Variants in PDCD1LG2 observed in about 807,000 individuals in gnomAD.
The protein encoded by PDCD1LG2 is programmed cell death 1 ligand 2.
Under a neutral mutation model 28.2 loss-of-function variants are expected in PDCD1LG2, and 32 were observed. That is an observed-to-expected ratio of 1.13 (90% CI 0.86 to 1.52). The LOEUF is 1.52. PDCD1LG2 is among the 40% of genes most tolerant of loss of function. The probability of loss-of-function intolerance (pLI) is 0.00; values close to 1 mark genes in which losing one functional copy is unlikely to be tolerated. For synonymous variants in PDCD1LG2, 116 were observed against 120.2 expected (o/e 0.97, Z 0.23); for missense variants, 385 against 323.8 (o/e 1.19, Z -1.45).
Position 5,514,092 on chromosome 9 carries a change from C to A in PDCD1LG2, c.-15+3289C>A, listed in dbSNP as rs930018471. On this transcript the variant is annotated intron_variant, in intron 1 of 6. Coordinates refer to ENST00000397747, the MANE Select transcript of PDCD1LG2 (RefSeq NM_025239.4). The stretch of plus-strand genomic sequence containing the variant: ...ATTTAACAAAGAATGAAGTATTTTA[C>A]AAACATGATCCTTTAGGCTGGTTAT... 5.3e-5 allele frequency among the ~76,000 whole-genome samples: 8 copies of A among 152,166 alleles called. No homozygotes were observed. The East Asian group carries it at 1.5e-3, about 29-fold the overall frequency.
intron 2 of PDCD1LG2, among the ~76,000 whole-genome samples, chr9:5,529,176 G>C (rs1167953837): frequency 3.3e-5 from 5 of 152,140 alleles, no homozygotes; most frequent in Non-Finnish European, 5.9e-5. Flanking sequence ...ATTTATCAAT[G>C]TTTTCTTTTA....
intron 6 of PDCD1LG2, among the ~76,000 whole-genome samples, chr9:5,566,868 C>G (rs538053764): frequency 6.6e-6 from 1 of 152,228 alleles, no homozygotes; most frequent in Admixed American, 6.5e-5. Flanking sequence ...ACTTATGTAT[C>G]ATTCATGTCC....
At chr9:5,520,645 T>C (rs558291806) in intron 1 of PDCD1LG2, among the ~76,000 whole-genome samples, 9 of 152,302 alleles carry the variant, frequency 5.9e-5, no homozygotes, top group Non-Finnish European at 1.2e-4. Context: ...AGTAGATAAA[T>C]TGGATTTTTT....
chr9:5,511,490 G>A (rs1437346621), intron 1 of PDCD1LG2, among the ~76,000 whole-genome samples: 2 of 152,226 alleles, frequency 1.3e-5, no homozygotes, highest in Non-Finnish European at 2.9e-5. Context: ...GAGGTGGAGA[G>A]GCTAAGCCTG....
At chr9:5,536,628 T>C (rs922890717) in intron 3 of PDCD1LG2, among the ~76,000 whole-genome samples, 1 of 152,252 alleles carries the variant, frequency 6.6e-6, no homozygotes, top group African/African-American at 2.4e-5. Flanking sequence ...CCAGGCCTTC[T>C]GCCCATTCTC....
intron 5 of PDCD1LG2, among the ~76,000 whole-genome samples, chr9:5,559,041 G>A (rs538738498): frequency 2.0e-5 from 3 of 152,248 alleles, no homozygotes; most frequent in South Asian, 2.1e-4. Flanking sequence ...AGGGTTCAAG[G>A]CCTGGGGCCT....
chr9:5,557,555 C>T (rs1190482894), intron 4 of PDCD1LG2, 63 bp from the exon 5 acceptor site: 3 of 1,582,884 alleles, frequency 1.9e-6, no homozygotes, highest in East Asian at 2.2e-5. Flanking sequence ...CTCATGTGGC[C>T]AGCCTGTTGG....
At chr9:5,537,830 G>A (rs1160693378) in intron 3 of PDCD1LG2, among the ~76,000 whole-genome samples, 1 of 152,078 alleles carries the variant, frequency 6.6e-6, no homozygotes, top group Non-Finnish European at 1.5e-5. Context: ...GTATACATAT[G>A]TAACAAACCT....
chr9:5,533,442 A>C (rs1820521362), intron 2 of PDCD1LG2, among the ~76,000 whole-genome samples: 1 of 152,226 alleles, frequency 6.6e-6, no homozygotes, highest in African/African-American at 2.4e-5. Context: ...AATAGAGAAT[A>C]GGAAGAAAAA....
intron 1 of PDCD1LG2, among the ~76,000 whole-genome samples, chr9:5,513,963 G>C (rs1018896408): frequency 6.6e-6 from 1 of 152,192 alleles, no homozygotes; most frequent in Non-Finnish European, 1.5e-5. Flanking sequence ...GTTAGTTCAG[G>C]TATTTCAGAT....
chr9:5,525,905 G>A (rs2129745291), intron 2 of PDCD1LG2, among the ~76,000 whole-genome samples: 1 of 152,204 alleles, frequency 6.6e-6, no homozygotes, highest in Middle Eastern at 3.4e-3. Flanking sequence ...AAATTAGCTG[G>A]GCATGGTGGC....
intron 1 of PDCD1LG2, among the ~76,000 whole-genome samples, chr9:5,513,299 A>G (rs1264945332): frequency 6.6e-6 from 1 of 152,204 alleles, no homozygotes; most frequent in Non-Finnish European, 1.5e-5. Flanking sequence ...TGCCCTTTAG[A>G]ATAGCTTCAA....
intron 2 of PDCD1LG2, among the ~76,000 whole-genome samples, chr9:5,524,302 A>G (rs1043711455): frequency 1.3e-5 from 2 of 152,208 alleles, no homozygotes. Flanking sequence ...GACAACCCAT[A>G]AATCTTCCAA....
At chr9:5,544,568 G>C (rs1246838909) in intron 3 of PDCD1LG2, among the ~76,000 whole-genome samples, 3 of 152,226 alleles carry the variant, frequency 2.0e-5, no homozygotes, top group Non-Finnish European at 4.4e-5. Context: ...ACACAGAGCA[G>C]AGAAGAAAAA....
intron 2 of PDCD1LG2, among the ~76,000 whole-genome samples, chr9:5,528,440 T>C (rs138508925): frequency 1.3e-5 from 2 of 151,590 alleles, no homozygotes; most frequent in East Asian, 3.9e-4. Flanking sequence ...TAACTGGGAC[T>C]ACAGGCCATG....
Position 5,512,654 on chromosome 9 carries a change from C to G in PDCD1LG2, c.-15+1851C>G, listed in dbSNP as rs1399596964. ...ATTCCTCAATATTAACTAACATTTC[C>G]ATATTAGAAATAACTTCCTTATCTT... is the stretch of plus-strand genomic sequence containing the variant. On this transcript the variant is annotated intron_variant, in intron 1 of 6. Transcript: ENST00000397747. Among the ~76,000 whole-genome samples the G allele has an allele frequency of 3.3e-5, 5 of 152,178 alleles. No individual in the cohort carries two copies. The East Asian group carries it at 9.6e-4, about 29-fold the overall frequency.
chr9:5,568,145 G>C (rs1816701807), intron 6 of PDCD1LG2, among the ~76,000 whole-genome samples: 2 of 152,148 alleles, frequency 1.3e-5, no homozygotes, highest in African/African-American at 2.4e-5. Context: ...TTAAAATAGT[G>C]GTGAAATTAG....
chr9:5,514,274 A>C (rs1251254694), intron 1 of PDCD1LG2, among the ~76,000 whole-genome samples: 1 of 152,174 alleles, frequency 6.6e-6, no homozygotes, highest in Non-Finnish European at 1.5e-5. Flanking sequence ...ATACCAAGTA[A>C]ATGTTTTGAA....
chr9:5,518,923 GT>G (rs1177055822), intron 1 of PDCD1LG2, among the ~76,000 whole-genome samples: 6 of 152,136 alleles, frequency 3.9e-5, no homozygotes, highest in Non-Finnish European at 8.8e-5. Context: ...GTAGCACTGT[GT>G]TTTAAAATAT....
Sources: gnomAD v4.1 joint callset for allele counts (sites outside exome capture counted in the v4.1 genomes callset) on GRCh38, gnomAD v4.1.1 for gene constraint, MANE v1.5 for transcripts, NCBI Gene and HGNC (gene_info 2026-07-23, HGNC 2026-07-21) for gene names.